The following RABGAP1 variants were observed in gnomAD, a reference collection of about 807,000 sequenced individuals.
RABGAP1 encodes the protein rab GTPase-activating protein 1.
Under a neutral mutation model 137.6 loss-of-function variants are expected in RABGAP1, and 23 were observed. The observed-to-expected ratio is 0.17, with a 90% confidence interval of 0.12 to 0.24. The LOEUF (loss-of-function observed/expected upper bound fraction) is 0.24. Among genes scored for constraint, RABGAP1 ranks in the 10% least tolerant of loss-of-function variants. The probability of loss-of-function intolerance (pLI) is 1.00; values close to 1 mark genes in which losing one functional copy is unlikely to be tolerated. For synonymous variants in RABGAP1, 451 were observed against 450.7 expected (o/e 1.00, Z -0.01); for missense variants, 906 against 1,275.8 (o/e 0.71, Z 4.42).
At chr9:123,029,054 TTAA>T (rs1337285842) in intron 13 of RABGAP1, among the ~76,000 whole-genome samples, 2 of 152,166 alleles carry the variant, frequency 1.3e-5, no homozygotes, top group Non-Finnish European at 2.9e-5. Flanking sequence ...GCGAGACCCG[TTAA>T]TAATTCAGGC....
chr9:122,977,111 G>A (rs1414917579), intron 2 of RABGAP1, among the ~76,000 whole-genome samples: 1 of 152,096 alleles, frequency 6.6e-6, no homozygotes, highest in South Asian at 2.1e-4. Flanking sequence ...AACCATGGAA[G>A]GATTTAAAAA....
chr9:122,939,620 G>A (rs1485498990), upstream of RABGAP1: 1 of 151,954 alleles, frequency 6.6e-6, no homozygotes, highest in Non-Finnish European at 1.5e-5. Context: ...AAATATTTGG[G>A]GTGTCCATGA....
intron 3 of RABGAP1, 97 bp downstream of exon 3, chr9:122,984,816 A>G: frequency 3.6e-6 from 4 of 1,124,416 alleles, no homozygotes; most frequent in Non-Finnish European, 5.0e-6. Flanking sequence ...AGGCAAAACC[A>G]TTGTCTACAA....
At chr9:123,035,005 C>G in intron 13 of RABGAP1, 1 of 1,613,458 alleles carries the variant, frequency 6.2e-7, no homozygotes, top group South Asian at 1.1e-5. Flanking sequence ...CTGGAGACTA[C>G]GCCTGTGTAT....
chr9:122,957,295 G>A, intron 2 of RABGAP1, 86 bp downstream of exon 2: 1 of 1,076,926 alleles, frequency 9.3e-7, no homozygotes, highest in Non-Finnish European at 1.2e-6. Flanking sequence ...AGATATGGGA[G>A]GAAAGTGAGA....
chr9:122,974,101 T>TA, intron 2 of RABGAP1, among the ~76,000 whole-genome samples: 1 of 152,268 alleles, frequency 6.6e-6, no homozygotes, highest in African/African-American at 2.4e-5. Context: ...GAGCTCAGTT[T>TA]AATTAAGAGG....
chr9:123,042,583 A>C (rs537141746), intron 13 of RABGAP1, among the ~76,000 whole-genome samples: 70 of 152,314 alleles, frequency 4.6e-4, no homozygotes, highest in African/African-American at 1.7e-3. Flanking sequence ...TTAAAGTATA[A>C]TAATTTTTTT....
At chr9:123,024,152 T>G (rs936596321) in intron 13 of RABGAP1, among the ~76,000 whole-genome samples, 1 of 152,236 alleles carries the variant, frequency 6.6e-6, no homozygotes, top group Non-Finnish European at 1.5e-5. Context: ...ATGGAGTTAG[T>G]TTCTTCTTCC....
At chr9:123,008,582 A>C (rs2030517678) in intron 10 of RABGAP1, among the ~76,000 whole-genome samples, 1 of 151,924 alleles carries the variant, frequency 6.6e-6, no homozygotes, top group Non-Finnish European at 1.5e-5. Context: ...CTGATCTTTG[A>C]ACTGTTTAGG....
intron 13 of RABGAP1, chr9:123,033,869 G>A (rs1318631570): frequency 6.6e-6 from 1 of 152,234 alleles, no homozygotes; most frequent in African/African-American, 2.4e-5. Context: ...TAATTGTAGT[G>A]AAAGGTTTTC....
chr9:122,978,655 A>G (rs1381062147), intron 2 of RABGAP1, among the ~76,000 whole-genome samples: 1 of 152,164 alleles, frequency 6.6e-6, no homozygotes, highest in Non-Finnish European at 1.5e-5. Context: ...ATTTGCAAAC[A>G]GATTTTTGTG....
In RABGAP1 at chr9:123,070,308, G is replaced by A. The variant is rs1414221293; in HGVS notation, c.1909-42G>A. The A allele has an allele frequency of 6.2e-7, 1 of 1,612,508 alleles. No individual in the cohort carries two copies. The highest frequency in any genetic ancestry group is 8.5e-7 in the Non-Finnish European group (1 of 1,179,336). Reference sequence around the variant, plus strand: ...ATAGTGCCACCATGGCCCACAAGTGGCTACATTCATTTACATTTCCTCTGT... The same window carrying A: ...ATAGTGCCACCATGGCCCACAAGTGACTACATTCATTTACATTTCCTCTGT... On this transcript the variant is annotated intron_variant, in intron 14 of 25. Coordinates refer to ENST00000373647, the MANE Select transcript of RABGAP1 (RefSeq NM_012197.4). The surrounding 1 kb of genome is among the most constrained non-coding windows in gnomAD (Gnocchi z 4.4).
At chr9:122,960,899 TGAG>T in intron 2 of RABGAP1, among the ~76,000 whole-genome samples, 1 of 152,280 alleles carries the variant, frequency 6.6e-6, no homozygotes, top group Middle Eastern at 3.4e-3. Flanking sequence ...AAAACTCACT[TGAG>T]GGCACAACAG....
intron 21 of RABGAP1, among the ~76,000 whole-genome samples, chr9:123,096,725 C>A (rs200859194): frequency 4.6e-5 from 7 of 152,300 alleles, no homozygotes; most frequent in African/African-American, 1.7e-4. Flanking sequence ...CCTGCCACCA[C>A]GCCCGGCTAA....
chr9:123,035,285 G>C (rs754744997), intron 13 of RABGAP1: 3 of 1,614,174 alleles, frequency 1.9e-6, no homozygotes, highest in East Asian at 4.5e-5. Context: ...GGGGAGACTG[G>C]GGAAGTGCAG....
At position 123,035,290 on chromosome 9, in the gene RABGAP1, G is replaced by A. The variant is rs752379887; in HGVS notation, c.1794+14831G>A. 2.5e-6 allele frequency: 4 copies of A among 1,614,202 alleles called. No homozygotes were observed. The Admixed American group carries it at 5.0e-5, about 20-fold the overall frequency. The stretch of plus-strand genomic sequence containing the variant: ...CAGCCAGAGTGGGGAGACTGGGGAA[G>A]TGCAGGCCTGTCCTGATAAGCGCTA... On this transcript the variant is annotated intron_variant, in intron 13 of 25. Transcript: ENST00000373647.
intron 1 of RABGAP1, among the ~76,000 whole-genome samples, chr9:122,956,066 G>A (rs945127236): frequency 6.6e-6 from 1 of 152,310 alleles, no homozygotes. Context: ...ATTTTCATAA[G>A]TGACACATAT....
At chr9:123,002,513 T>C (rs1302344478) in intron 10 of RABGAP1, among the ~76,000 whole-genome samples, 1 of 151,612 alleles carries the variant, frequency 6.6e-6, no homozygotes, top group Non-Finnish European at 1.5e-5. Flanking sequence ...ATCTTGCATT[T>C]CCTTTTGACA....
intron 2 of RABGAP1, among the ~76,000 whole-genome samples, chr9:122,964,525 GA>G (rs1445006403): frequency 6.6e-6 from 1 of 151,960 alleles, no homozygotes; most frequent in African/African-American, 2.4e-5. Flanking sequence ...ACCATTTCAT[GA>G]AAAAAAGAAA....
Sources: gnomAD v4.1 joint callset for allele counts (sites outside exome capture counted in the v4.1 genomes callset) on GRCh38, gnomAD v4.1.1 for gene constraint, Gnocchi (gnomAD v3.1) non-coding constraint, MANE v1.5 for transcripts, NCBI Gene and HGNC (gene_info 2026-07-23, HGNC 2026-07-21) for gene names.